The following SGCZ variants were observed in gnomAD, a reference collection of about 807,000 sequenced individuals.
SGCZ encodes the protein sarcoglycan zeta, also known as zeta-sarcoglycan.
A neutral mutation model predicts 41.3 loss-of-function variants in SGCZ; 40 were observed. The observed-to-expected ratio is 0.97, with a 90% CI of 0.75 to 1.26. The LOEUF (loss-of-function observed/expected upper bound fraction) is 1.26. Among genes scored for constraint, SGCZ ranks in the 50% most tolerant of loss-of-function variants. SGCZ has a pLI of 0.00. For synonymous variants in SGCZ, 206 were observed against 137.5 expected (o/e 1.50, Z -3.49); for missense variants, 552 against 369.8 (o/e 1.49, Z -4.04).
chr8:14,652,580 C>T (rs963611382), intron 1 of SGCZ, among the ~76,000 whole-genome samples: 2 of 151,928 alleles, frequency 1.3e-5, no homozygotes, highest in Non-Finnish European at 2.9e-5. Flanking sequence ...GCCCAGTAAG[C>T]ATATGAAGGC....
chr8:14,972,843 C>T (rs1376460306), intron 1 of SGCZ, among the ~76,000 whole-genome samples: 4 of 152,166 alleles, frequency 2.6e-5, no homozygotes, highest in Non-Finnish European at 5.9e-5. Context: ...ATAAATTCTA[C>T]TCTACATTAC....
At chr8:15,060,922 C>G (rs906442256) in intron 1 of SGCZ, among the ~76,000 whole-genome samples, 6 of 152,102 alleles carry the variant, frequency 3.9e-5, no homozygotes, top group Non-Finnish European at 8.8e-5. Flanking sequence ...GATACTCCAC[C>G]ATAGTAGAAG....
chr8:14,901,453 G>A (rs540926722), intron 1 of SGCZ, among the ~76,000 whole-genome samples: 34 of 152,192 alleles, frequency 2.2e-4, no homozygotes, highest in South Asian at 4.1e-4. Flanking sequence ...AGGCGTATAC[G>A]TTTTTCCTTT....
At chr8:14,795,700 G>C (rs1801099768) in intron 1 of SGCZ, among the ~76,000 whole-genome samples, 1 of 152,022 alleles carries the variant, frequency 6.6e-6, no homozygotes, top group South Asian at 2.1e-4. Flanking sequence ...AAGTTCAGGG[G>C]TACAAGTGCA....
At chr8:15,231,331 T>C (rs116580015) in intron 1 of SGCZ, among the ~76,000 whole-genome samples, 1 of 152,330 alleles carries the variant, frequency 6.6e-6, no homozygotes, top group African/African-American at 2.4e-5. Flanking sequence ...TTCTAAAATC[T>C]AATTGTGGCT....
chr8:14,508,271 C>A (rs1802367229), intron 2 of SGCZ, among the ~76,000 whole-genome samples: 1 of 152,132 alleles, frequency 6.6e-6, no homozygotes. Flanking sequence ...CTATGCCCAG[C>A]ATGTAGAACA....
At chr8:15,164,736 G>A (rs2117048722) in intron 1 of SGCZ, among the ~76,000 whole-genome samples, 1 of 151,094 alleles carries the variant, frequency 6.6e-6, no homozygotes, top group East Asian at 2.0e-4. Context: ...AAAAGGGTTT[G>A]TGAGGCTAGT....
chr8:14,332,334 A>C (rs1265212622), intron 2 of SGCZ, among the ~76,000 whole-genome samples: 1 of 152,168 alleles, frequency 6.6e-6, no homozygotes, highest in African/African-American at 2.4e-5. Flanking sequence ...CCAGCTACTC[A>C]GGAGGTTGGG....
intron 4 of SGCZ, among the ~76,000 whole-genome samples, chr8:14,197,164 C>T (rs1324143630): frequency 2.0e-5 from 3 of 151,966 alleles, no homozygotes; most frequent in Admixed American, 6.6e-5. Context: ...AGTGAAGGTC[C>T]GGATGGCTTT....
chr8:15,067,770 C>G (rs1227117405), intron 1 of SGCZ, among the ~76,000 whole-genome samples: 4 of 152,024 alleles, frequency 2.6e-5, no homozygotes, highest in Admixed American at 2.0e-4. Flanking sequence ...ATGCACTGTG[C>G]AAGATACAGA....
chr8:14,825,508 TTG>T (rs1802272168), intron 1 of SGCZ, among the ~76,000 whole-genome samples: 1 of 152,228 alleles, frequency 6.6e-6, no homozygotes, highest in South Asian at 2.1e-4. Context: ...TACAAAATAA[TTG>T]TGACTTTAAA....
intron 1 of SGCZ, among the ~76,000 whole-genome samples, chr8:14,982,138 A>G (rs1390229575): frequency 1.5e-5 from 2 of 137,582 alleles, no homozygotes; most frequent in African/African-American, 5.8e-5. Context: ...AGCCTGGACA[A>G]CAGAGCGAGA....
chr8:14,576,288 T>A (rs899962115), intron 1 of SGCZ, among the ~76,000 whole-genome samples: 1 of 151,976 alleles, frequency 6.6e-6, no homozygotes, highest in South Asian at 2.1e-4. Context: ...TGATGAGAAG[T>A]CAATGTCATT....
intron 1 of SGCZ, among the ~76,000 whole-genome samples, chr8:14,769,807 A>AAAAAAAAAAAAAAAAAAAAAAAAAAAAG (rs1800173502): frequency 6.7e-6 from 1 of 149,906 alleles, no homozygotes; most frequent in Non-Finnish European, 1.5e-5. Context: ...AAAAAAAAAA[A>AAAAAAAAAAAAAAAAAAAAAAAAAAAAG]AAAAAAAACC....
chr8:14,396,044 T>C (rs112824051), intron 2 of SGCZ, among the ~76,000 whole-genome samples: 5,802 of 152,068 alleles, frequency 0.038, 343 homozygotes, highest in African/African-American at 0.13. Flanking sequence ...ACAAAAGAAA[T>C]CATTTTTAAA....
intron 1 of SGCZ, among the ~76,000 whole-genome samples, chr8:15,237,259 C>CCA (rs1554483251): frequency 2.6e-5 from 4 of 151,980 alleles, no homozygotes; most frequent in Admixed American, 1.3e-4. Context: ...GCTGCCCCCC[C>CCA]CGGGGAGACG....
At chr8:15,065,148 C>G (rs563096191) in intron 1 of SGCZ, among the ~76,000 whole-genome samples, 3 of 152,110 alleles carry the variant, frequency 2.0e-5, no homozygotes, top group African/African-American at 7.2e-5. Flanking sequence ...TCCAACAAGA[C>G]GGAACTGCTT....
chr8:14,507,762 T>TTGG (rs1802347363), intron 2 of SGCZ, among the ~76,000 whole-genome samples: 1 of 94,490 alleles, frequency 1.1e-5, no homozygotes, highest in South Asian at 4.2e-4. Flanking sequence ...GTTTGTTTGT[T>TTGG]TTTTTGTTTT....
intron 2 of SGCZ, among the ~76,000 whole-genome samples, chr8:14,483,214 T>C (rs1184922665): frequency 6.6e-6 from 1 of 152,196 alleles, no homozygotes; most frequent in Non-Finnish European, 1.5e-5. Flanking sequence ...AAACATGCCT[T>C]TAAAACAAAA....
Sources: allele counts gnomAD v4.1 joint callset (sites outside exome capture counted in the v4.1 genomes callset), GRCh38; gene constraint gnomAD v4.1.1; transcripts MANE v1.5; gene names NCBI Gene and HGNC (gene_info 2026-07-23, HGNC 2026-07-21).